HMCN1: variants seen among roughly 807,000 people sequenced by gnomAD.
HMCN1 encodes hemicentin-1.
A neutral mutation model predicts 625.9 loss-of-function variants in HMCN1; 321 were observed. That is an observed-to-expected ratio of 0.51 (90% CI 0.47 to 0.56). The LOEUF (loss-of-function observed/expected upper bound fraction) is 0.56. Among genes scored for constraint, HMCN1 ranks in the 20% least tolerant of loss-of-function variants. HMCN1 has a pLI of 0.00. For missense variants in HMCN1, 6,588 were observed against 6,887.3 expected (o/e 0.96, Z 1.54); for synonymous variants, 2,425 against 2,417.6 (o/e 1.00, Z -0.09).
intron 1 of HMCN1, among the ~76,000 whole-genome samples, chr1:185,756,169 T>C (rs1254463233): frequency 4.6e-5 from 7 of 152,136 alleles, no homozygotes; most frequent in Non-Finnish European, 8.8e-5. Flanking sequence ...TAAAACAAGA[T>C]TTTTTACAGG....
chr1:186,183,363 C>T (rs1051420019), intron 105 of HMCN1, among the ~76,000 whole-genome samples: 7 of 152,186 alleles, frequency 4.6e-5, no homozygotes, highest in Admixed American at 1.3e-4. Flanking sequence ...TCCCACACCA[C>T]CCTACCCCAC....
At chr1:185,931,407 A>G (rs1275995193) in intron 10 of HMCN1, among the ~76,000 whole-genome samples, 1 of 152,074 alleles carries the variant, frequency 6.6e-6, no homozygotes, top group Non-Finnish European at 1.5e-5. Context: ...TATTCCTACC[A>G]AATTTATTCA....
intron 68 of HMCN1, among the ~76,000 whole-genome samples, chr1:186,098,763 A>G (rs1590273): frequency 0.64 from 97,007 of 152,050 alleles, 33,239 homozygotes; most frequent in African/African-American, 0.9. Context: ...GACAAGATAT[A>G]TAATCAATCT....
intron 11 of HMCN1, among the ~76,000 whole-genome samples, chr1:185,946,760 A>G (rs1403656493): frequency 1.3e-5 from 2 of 152,260 alleles, no homozygotes; most frequent in African/African-American, 4.8e-5. Flanking sequence ...GAAAGAAAAA[A>G]TAGTATTAAG....
At chr1:185,904,772 G>T (rs949539309) in intron 4 of HMCN1, among the ~76,000 whole-genome samples, 1 of 151,752 alleles carries the variant, frequency 6.6e-6, no homozygotes, top group African/African-American at 2.4e-5. Context: ...ATCAATATAA[G>T]ACTTTAAGAA....
Position 186,076,554 on chromosome 1 carries a change from C to T in HMCN1, c.8417C>T (p.Pro2806Leu). ...SLYCETNAAP[P>L]PTLTWYKDGH... ...TACTGTGAGACAAATGCTGCTCCCCCTCCTACACTGACATGGTACAAAGAT... is the reference window on the plus strand; with the variant it reads ...TACTGTGAGACAAATGCTGCTCCCCTTCCTACACTGACATGGTACAAAGAT... Residue 2806 changes from proline (P) to leucine (L), a missense_variant, in exon 54 of 107, where the codon CCT (proline) becomes CTT (leucine). By Grantham distance (98) the Pro-to-Leu change is moderately conservative (BLOSUM62 -3). Transcript: ENST00000271588. The T allele has an allele frequency of 2.5e-6, 4 of 1,613,846 alleles. No homozygotes were observed. The highest frequency in any genetic ancestry group is 1.7e-6 in the Non-Finnish European group (2 of 1,179,822).
intron 36 of HMCN1, among the ~76,000 whole-genome samples, chr1:186,028,192 T>C (rs1450394518): frequency 4.6e-5 from 7 of 152,044 alleles, no homozygotes; most frequent in African/African-American, 1.7e-4. Flanking sequence ...TAGCACACAA[T>C]GTGTCAAGAA....
At chr1:186,015,538 T>G in intron 31 of HMCN1, 101 bp downstream of exon 31, 1 of 1,128,794 alleles carries the variant, frequency 8.9e-7, no homozygotes, top group Non-Finnish European at 1.3e-6. Flanking sequence ...GGGTTTGTCT[T>G]TTTCAATATG....
Position 186,178,784 on chromosome 1 carries a change from T to C in HMCN1, c.16294+18T>C. On this transcript the variant is annotated intron_variant, in intron 104 of 106. Transcript: ENST00000271588. The stretch of plus-strand genomic sequence containing the variant: ...ATGTGTAGGTAAATGTCAGCCATAT[T>C]ACATTTCCTTTCTGTGGGCTCTCTT... 1 of 1,510,168 alleles carries C rather than the reference T, an allele frequency of 6.6e-7. No homozygotes were observed. The highest frequency in any genetic ancestry group is 9.2e-7 in the Non-Finnish European group (1 of 1,085,352). The allele number at this position is 1,510,168 out of a possible 1,614,324, so 93.5% of individuals were successfully genotyped here. A position where few individuals can be genotyped will look rare whatever the true frequency, so the allele number is the denominator to read the frequency against.
chr1:186,114,037 T>C lies in HMCN1; in HGVS notation c.11190T>C (p.Thr3730=), dbSNP rs199691818. Reference sequence around the variant, plus strand: ...TTGTAATTCTTTTAAATAAGTCAACTGTATTGGAATGCATCGCTGAAGGTG... The same window carrying C: ...TTGTAATTCTTTTAAATAAGTCAACCGTATTGGAATGCATCGCTGAAGGTG... The part of the protein sequence containing the change: ...QSLVILLNKS[T]VLECIAEGVP... Residue 3730 remains threonine (T), a synonymous_variant, in exon 73 of 107, where the codon ACT becomes ACC. Coordinates refer to ENST00000271588, the MANE Select transcript of HMCN1 (RefSeq NM_031935.3). 1 of 1,614,150 alleles carries C rather than the reference T, an allele frequency of 6.2e-7. No homozygotes were observed. Among genetic ancestry groups the C allele is most frequent in the Non-Finnish European group, 8.5e-7 (1 of 1,179,996 alleles).
intron 1 of HMCN1, among the ~76,000 whole-genome samples, chr1:185,808,787 C>T (rs759825199): frequency 5.9e-5 from 9 of 152,210 alleles, no homozygotes; most frequent in East Asian, 1.9e-4. Flanking sequence ...CTGTTTTCTT[C>T]GTGGCTCAAT....
At chr1:185,990,528 C>G in intron 22 of HMCN1, 85 bp downstream of exon 22, 3 of 1,189,954 alleles carry the variant, frequency 2.5e-6, no homozygotes, top group South Asian at 2.5e-5. Flanking sequence ...GGTTATCAAA[C>G]GTCTCAAAAA....
chr1:185,924,723 T>C (rs1208466757), intron 8 of HMCN1, among the ~76,000 whole-genome samples: 1 of 152,154 alleles, frequency 6.6e-6, no homozygotes, highest in Non-Finnish European at 1.5e-5. Flanking sequence ...TAAAAACATA[T>C]TCTAAAATTG....
intron 11 of HMCN1, among the ~76,000 whole-genome samples, chr1:185,944,447 A>T (rs1668235753): frequency 1.3e-5 from 2 of 152,206 alleles, no homozygotes; most frequent in African/African-American, 4.8e-5. Flanking sequence ...ATTGAAGTAA[A>T]ACTTAATTAA....
chr1:186,033,912 T>C (rs1655650620), intron 36 of HMCN1, among the ~76,000 whole-genome samples: 2 of 152,308 alleles, frequency 1.3e-5, no homozygotes, highest in South Asian at 4.1e-4. Flanking sequence ...TTTTCATCGT[T>C]GTGTCTTGAT....
intron 1 of HMCN1, among the ~76,000 whole-genome samples, chr1:185,834,568 T>C (rs1050179878): frequency 6.6e-6 from 1 of 152,208 alleles, no homozygotes; most frequent in African/African-American, 2.4e-5. Flanking sequence ...AGAGAGGGTA[T>C]GCAAGAATGC....
intron 83 of HMCN1, among the ~76,000 whole-genome samples, chr1:186,128,577 T>C (rs1431839488): frequency 6.6e-6 from 1 of 152,058 alleles, no homozygotes; most frequent in Non-Finnish European, 1.5e-5. Flanking sequence ...TATGTTTATA[T>C]AGGCGCCTAA....
At chr1:185,952,574 A>C (rs1649282119) in intron 11 of HMCN1, among the ~76,000 whole-genome samples, 1 of 151,726 alleles carries the variant, frequency 6.6e-6, no homozygotes, top group Non-Finnish European at 1.5e-5. Flanking sequence ...ACATTTGCCC[A>C]TTTCCATCTT....
intron 103 of HMCN1, among the ~76,000 whole-genome samples, 188 bp from the exon 104 acceptor site, chr1:186,178,228 A>G (rs568485540): frequency 9.9e-5 from 15 of 152,284 alleles, no homozygotes; most frequent in South Asian, 2.1e-4. Flanking sequence ...AATCTGTCCT[A>G]TGTTCATAAC....
Sources: allele counts gnomAD v4.1 joint callset (sites outside exome capture counted in the v4.1 genomes callset), GRCh38; gene constraint gnomAD v4.1.1; transcripts MANE v1.5; gene names NCBI Gene and HGNC (gene_info 2026-07-23, HGNC 2026-07-21).